ANO6: variants seen among roughly 807,000 people sequenced by gnomAD.
ANO6 encodes the protein anoctamin 6, also known as anoctamin-6.
Under a neutral mutation model 117.5 loss-of-function variants are expected in ANO6, and 106 were observed. The observed-to-expected ratio is 0.90, with a 90% confidence interval of 0.77 to 1.06. The LOEUF is 1.06. ANO6 is among the 50% of genes least tolerant of loss of function. The pLI, the probability that ANO6 is intolerant of heterozygous loss-of-function variation, is 0.00. For missense variants in ANO6, 955 were observed against 1,121.1 expected, an observed-to-expected ratio of 0.85 and a Z score of 2.12; for synonymous variants, 367 against 385.1, an observed-to-expected ratio of 0.95 and a Z score of 0.55.
At chr12:45,406,086 C>T (rs977978615) in intron 15 of ANO6, among the ~76,000 whole-genome samples, 4 of 152,218 alleles carry the variant, frequency 2.6e-5, no homozygotes, top group African/African-American at 9.7e-5. Context: ...TCCTTCCTCT[C>T]CCGCCTTTGG....
chr12:45,265,325 C>A (rs1473158263), intron 1 of ANO6, among the ~76,000 whole-genome samples: 1 of 152,068 alleles, frequency 6.6e-6, no homozygotes, highest in Non-Finnish European at 1.5e-5. Flanking sequence ...ACTCCATTTC[C>A]AAAAAGACAG....
In ANO6 at chr12:45,348,028, G is replaced by A. The variant is rs761096541; in HGVS notation, c.346G>A (p.Val116Ile). Residue 116 changes from valine (V) to isoleucine (I), a missense_variant and splice_region_variant, in exon 5 of 20, where the codon GTA becomes ATA. Val to Ile is a conservative substitution (Grantham distance 29). Transcript: ENST00000320560. ...HGLQLEATRS[V>I]LDDKLVFVKV... The stretch of plus-strand genomic sequence containing the variant: ...CTGCGTTTTTATTTTTCCAATATAG[G>A]TATTGGATGACAAGCTTGTATTTGT... The A allele has an allele frequency of 1.2e-6, 2 of 1,612,446 alleles. No individual in the cohort carries two copies.
chr12:45,257,679 A>AC (rs1239240853), intron 1 of ANO6, among the ~76,000 whole-genome samples: 2 of 151,962 alleles, frequency 1.3e-5, no homozygotes, highest in Non-Finnish European at 2.9e-5. Flanking sequence ...CTTGTGTCTC[A>AC]CCTGGACTGT....
chr12:45,292,704 G>A, intron 1 of ANO6: 1 of 1,324,358 alleles, frequency 7.6e-7, no homozygotes, highest in Non-Finnish European at 9.7e-7. Flanking sequence ...GAGGCTTGTA[G>A]GAATAGGGGA....
At position 45,360,279 on chromosome 12, in the gene ANO6, A is replaced by G. The variant is rs545635729; in HGVS notation, c.998+2855A>G. Among the ~76,000 whole-genome samples the G allele has an allele frequency of 4.8e-4, 73 of 152,342 alleles. 1 individual carries two copies. The highest frequency in any genetic ancestry group is 1.8e-3 in the African/African-American group (73 of 41,568). The stretch of plus-strand genomic sequence containing the variant: ...ACAGAGGCTGGAAATTCCAAGATCA[A>G]GTTGCCGACATTTGGTGTCTGGTGA... On this transcript the variant is annotated intron_variant, in intron 8 of 19. Coordinates refer to ENST00000320560, the MANE Select transcript of ANO6 (RefSeq NM_001025356.3).
chr12:45,280,883 G>T (rs560332278), intron 1 of ANO6, among the ~76,000 whole-genome samples: 2,843 of 144,660 alleles, frequency 0.02, 63 homozygotes, highest in African/African-American at 0.062. Context: ...TATATATAGA[G>T]AGAGAGAGAG....
intron 1 of ANO6, among the ~76,000 whole-genome samples, chr12:45,249,884 A>G (rs1208858677): frequency 6.6e-6 from 1 of 152,206 alleles, no homozygotes; most frequent in Non-Finnish European, 1.5e-5. Context: ...ATTCATTAAC[A>G]GTTTAATGAA....
At chr12:45,360,091 C>T (rs1941515607) in intron 8 of ANO6, among the ~76,000 whole-genome samples, 1 of 152,128 alleles carries the variant, frequency 6.6e-6, no homozygotes, top group South Asian at 2.1e-4. Context: ...AATCCCTTGC[C>T]TATTTTAGTT....
chr12:45,317,113 G>GTGTGTGTGTGTATATATA, intron 2 of ANO6, among the ~76,000 whole-genome samples: 6 of 66,488 alleles, frequency 9.0e-5, no homozygotes, highest in Admixed American at 3.1e-4. Context: ...CTTTTTATAT[G>GTGTGTGTGTGTATATATA]TATATATATA....
chr12:45,244,260 T>C lies in ANO6; in HGVS notation c.70+27869T>C, dbSNP rs143256330. Among the ~76,000 whole-genome samples the C allele has an allele frequency of 2.6e-5, 4 of 152,250 alleles. No homozygotes were observed. In the East Asian group the frequency reaches 7.7e-4, roughly 29 times the overall value. On this transcript the variant is annotated intron_variant, in intron 1 of 19. Coordinates refer to ENST00000320560, the MANE Select transcript of ANO6 (RefSeq NM_001025356.3). ...ATCAGGCTTTTTATAGGAGAGTATC[T>C]GTTAGGTATCTTTGAGGAGACTTGT...
intron 13 of ANO6, among the ~76,000 whole-genome samples, chr12:45,402,571 G>A (rs1294590528): frequency 4.6e-5 from 7 of 152,242 alleles, no homozygotes; most frequent in South Asian, 2.1e-4. Flanking sequence ...TGGCCTGCTC[G>A]GTGATCATCT....
chr12:45,421,146 G>C lies in ANO6; in HGVS notation c.2293G>C (p.Gly765Arg). 1 of 1,614,046 alleles carries C rather than the reference G, an allele frequency of 6.2e-7. No individual in the cohort carries two copies. ...CTGGTCCTTCTCCGTCCCTCCCTAC[G>C]GGGACCACACTTCCTACACCATGGA... ...YYWSFSVPPY[G>R]DHTSYTMEGY... Residue 765 changes from glycine to arginine, a missense_variant, in exon 18 of 20, where the codon GGG becomes CGG. By Grantham distance (125) the Gly-to-Arg change is moderately radical (BLOSUM62 -2). Transcript: ENST00000320560.
chr12:45,318,922 T>A (rs1315808333), intron 2 of ANO6, among the ~76,000 whole-genome samples: 2 of 152,188 alleles, frequency 1.3e-5, no homozygotes, highest in African/African-American at 4.8e-5. Context: ...TCTCTGTCTG[T>A]TATTGGTGTA....
At chr12:45,383,627 G>A (rs951997413) in intron 10 of ANO6, among the ~76,000 whole-genome samples, 1 of 152,176 alleles carries the variant, frequency 6.6e-6, no homozygotes, top group Non-Finnish European at 1.5e-5. Context: ...ATTAATCTCT[G>A]TACATCTCCA....
At position 45,331,411 on chromosome 12, in the gene ANO6, T is replaced by C. The variant is rs1940660133; in HGVS notation, c.267T>C (p.Asn89=). ...AAGAGACCAATAAAAAGGGTACAAA[T>C]GAAAAACAAAGGGTAAGTTTTTATG... is the stretch of plus-strand genomic sequence containing the variant. The part of the protein sequence containing the change: ...SRKETNKKGT[N]EKQRRKRQAY... The change falls in exon 3 of 20, where the codon AAT becomes AAC. Residue 89 remains asparagine (N), a synonymous_variant. Coordinates refer to ENST00000320560, the MANE Select transcript of ANO6 (RefSeq NM_001025356.3). 1.2e-6 allele frequency: 2 copies of C among 1,604,674 alleles called. No homozygotes were observed. The highest frequency in any genetic ancestry group is 1.1e-5 in the South Asian group (1 of 88,740).
intron 3 of ANO6, among the ~76,000 whole-genome samples, chr12:45,331,676 CT>C (rs773092514): frequency 2.9e-4 from 44 of 152,076 alleles, no homozygotes; most frequent in Admixed American, 2.3e-3. Context: ...AGGAATTGGA[CT>C]TTCTATTGTA....
chr12:45,421,362 A>AT, intron 18 of ANO6, 89 bp downstream of exon 18: 9 of 1,347,430 alleles, frequency 6.7e-6, no homozygotes, highest in Middle Eastern at 1.8e-4. Context: ...CATTTTTAAA[A>AT]TTTTTATTTC....
chr12:45,299,854 A>AAAAAAG (rs934103095), intron 1 of ANO6, among the ~76,000 whole-genome samples: 2 of 152,300 alleles, frequency 1.3e-5, no homozygotes, highest in South Asian at 4.1e-4. Context: ...TCCATCTCAA[A>AAAAAAG]AAAAAGAAAA....
At chr12:45,295,581 T>A (rs887349745) in intron 1 of ANO6, among the ~76,000 whole-genome samples, 1 of 152,130 alleles carries the variant, frequency 6.6e-6, no homozygotes, top group East Asian at 1.9e-4. Flanking sequence ...TGAGACAGAG[T>A]CTTACTCGGT....
Sources: gnomAD v4.1 joint callset for allele counts (sites outside exome capture counted in the v4.1 genomes callset) on GRCh38, gnomAD v4.1.1 for gene constraint, MANE v1.5 for transcripts, NCBI Gene and HGNC (gene_info 2026-07-23, HGNC 2026-07-21) for gene names.